The following AHNAK variants were observed in gnomAD, a reference collection of about 807,000 sequenced individuals.
The protein encoded by AHNAK is AHNAK nucleoprotein.
AHNAK carries 23 observed loss-of-function variants against 37.8 expected under a neutral mutation model. The observed-to-expected ratio is 0.61, with a 90% CI of 0.44 to 0.86. AHNAK has a LOEUF of 0.86. Among genes scored for constraint, AHNAK ranks in the 40% least tolerant of loss-of-function variants. The pLI is 0.00. For synonymous variants in AHNAK, 2,481 were observed against 2,636.3 expected (o/e 0.94, Z 1.80); for missense variants, 7,411 against 7,319.4 (o/e 1.01, Z -0.46).
Position 62,528,661 on chromosome 11 carries a change from G to A in AHNAK, c.5756C>T (p.Ala1919Val), listed in dbSNP as rs1462738666. ...KFKMPDMHFK[A>V]PKISMPDVDL... ...CACATCAGGCATGGAGATCTTGGGG[G>A]CCTTGAAGTGCATGTCTGGCATCTT... The change falls in exon 5 of 5, where the codon GCC becomes GTC. Residue 1919 changes from alanine (A) to valine (V), a missense_variant. Coordinates refer to ENST00000378024, the MANE Select transcript of AHNAK (RefSeq NM_001620.3). 25 of 1,609,598 alleles carry A rather than the reference G, an allele frequency of 1.6e-5. No individual in the cohort carries two copies. Among genetic ancestry groups the A allele is most frequent in the Non-Finnish European group, 2.0e-5 (24 of 1,179,184 alleles).
chr11:62,477,429 G>A (rs192801275), intron 5 of AHNAK, among the ~76,000 whole-genome samples: 21 of 152,250 alleles, frequency 1.4e-4, no homozygotes, highest in Non-Finnish European at 2.6e-4. Flanking sequence ...TAATTCCTGG[G>A]TGATGAAATA....
intron 5 of AHNAK, among the ~76,000 whole-genome samples, chr11:62,469,970 G>A (rs1479918619): frequency 6.6e-6 from 1 of 152,178 alleles, no homozygotes; most frequent in Non-Finnish European, 1.5e-5. Context: ...AGGGTTTAGA[G>A]AATAACTCTC....
chr11:62,485,701 C>CAAAAAAA (rs1286819688), intron 5 of AHNAK, among the ~76,000 whole-genome samples: 3 of 51,940 alleles, frequency 5.8e-5, no homozygotes, highest in Non-Finnish European at 8.5e-5. Flanking sequence ...GACTCCATCT[C>CAAAAAAA]AAAAAAAAAA....
chr11:62,496,693 GC>G (rs1436554125), intron 4 of AHNAK, among the ~76,000 whole-genome samples: 13 of 152,236 alleles, frequency 8.5e-5, no homozygotes, highest in African/African-American at 3.1e-4. Context: ...TACTCGGTAG[GC>G]TGAGGCAGGA....
In AHNAK at chr11:62,516,491, T is replaced by C. The variant is rs1940022041; in HGVS notation, c.*253A>G. 3 of 1,355,244 alleles carry C rather than the reference T, an allele frequency of 2.2e-6. No individual in the cohort carries two copies. The highest frequency in any genetic ancestry group is 1.9e-6 in the Non-Finnish European group (2 of 1,054,432). 84.0% of individuals were successfully genotyped at this position (1,355,244 alleles called of 1,614,324 possible). The stretch of plus-strand genomic sequence containing the variant: ...AGCAGTCAATGCAAAAAAATATATA[T>C]ATATGAAATCTTAAGGCAAATACTG... On this transcript the variant is annotated 3_prime_UTR_variant, in exon 5 of 5. Coordinates refer to ENST00000378024, the MANE Select transcript of AHNAK (RefSeq NM_001620.3).
intron 5 of AHNAK, among the ~76,000 whole-genome samples, chr11:62,435,693 T>A (rs1428236650): frequency 6.6e-6 from 1 of 152,070 alleles, no homozygotes; most frequent in Non-Finnish European, 1.5e-5. Flanking sequence ...GATTACAGGC[T>A]TGAGCCACCG....
At position 62,527,349 on chromosome 11, in the gene AHNAK, G is replaced by A. The variant is rs1940534577; in HGVS notation, c.7068C>T (p.Asp2356=). Residue 2356 remains aspartate (D), a synonymous_variant, in exon 5 of 5, where the codon GAC becomes GAT. Transcript: ENST00000378024. ...GGCCTTCCACAGCTACTTCTGGCAT[G>A]TCAGCATCTAATTTGGGACCTTTGA... ...LDVKGPKLDA[D]MPEVAVEGPN... is the part of the protein sequence containing the mutation. 1 of 1,614,010 alleles carries A rather than the reference G, an allele frequency of 6.2e-7. No homozygotes were observed. Among genetic ancestry groups the A allele is most frequent in the Non-Finnish European group, 8.5e-7 (1 of 1,179,936 alleles).
Position 62,527,601 on chromosome 11 carries a change from A to T in AHNAK, c.6816T>A (p.Val2272=). Residue 2272 remains valine (V), a synonymous_variant, in exon 5 of 5, where the codon GTT becomes GTA. Coordinates refer to ENST00000378024, the MANE Select transcript of AHNAK (RefSeq NM_001620.3). ...EVDVNLPKAD[V]DVSGPKVDVE... The stretch of plus-strand genomic sequence containing the variant: ...CATCCACCTTGGGTCCTGAGACATC[A>T]ACGTCAGCCTTGGGCAAGTTCACAT... 6.2e-7 allele frequency: 1 copy of T among 1,613,598 alleles called. No homozygotes were observed. The highest frequency in any genetic ancestry group is 1.7e-4 in the Middle Eastern group (1 of 6,060).
chr11:62,458,308 G>A (rs1487608432), intron 5 of AHNAK, among the ~76,000 whole-genome samples: 2 of 152,020 alleles, frequency 1.3e-5, no homozygotes, highest in Admixed American at 6.6e-5. Flanking sequence ...AATAAGAACA[G>A]GACCACTTCT....
At chr11:62,535,891 C>A in intron 3 of AHNAK, 54 bp downstream of exon 3, 2 of 1,560,470 alleles carry the variant, frequency 1.3e-6, no homozygotes, top group Non-Finnish European at 1.7e-6. Context: ...CCCTCCAACA[C>A]CCCCACCGAC....
Position 62,532,593 on chromosome 11 carries a change from G to C in AHNAK, c.1824C>G (p.Pro608=). ...CATCTGGGGCACTGACATCCACTTT[G>C]GGGCCTCTGACATCAACTTCAGGGA... ...VKVPEVDVRG[P]KVDVSAPDVE... The change falls in exon 5 of 5, where the codon CCC becomes CCG. Residue 608 remains proline, a synonymous_variant. Transcript: ENST00000378024. 1 of 1,614,112 alleles carries C rather than the reference G, an allele frequency of 6.2e-7. No homozygotes were observed. Among genetic ancestry groups the C allele is most frequent in the African/African-American group, 1.3e-5 (1 of 75,008 alleles).
rs761635981 is a variant in AHNAK at position 62,523,332 on chromosome 11, T to G, written c.11085A>C (p.Lys3695Asn). 8.7e-6 allele frequency: 14 copies of G among 1,613,156 alleles called. No homozygotes were observed. In the South Asian group the frequency reaches 1.4e-4, roughly 16 times the overall value. The change falls in exon 5 of 5, where the codon AAA (lysine) becomes AAC (asparagine). Residue 3695 changes from lysine to asparagine, a missense_variant. By Grantham distance (94) the Lys-to-Asn change is moderately conservative. Coordinates refer to ENST00000378024, the MANE Select transcript of AHNAK (RefSeq NM_001620.3). The part of the protein sequence containing the change: ...MKGDVVVSLP[K>N]VEGDLKGPEV... ...CAGGGCCTTTTAGATCACCTTCCACTTTGGGCAAAGACACAACCACATCAC... is the reference window on the plus strand; with the variant it reads ...CAGGGCCTTTTAGATCACCTTCCACGTTGGGCAAAGACACAACCACATCAC...
At position 62,529,223 on chromosome 11, in the gene AHNAK, C is replaced by T. The variant is rs760678889; in HGVS notation, c.5194G>A (p.Val1732Met). ...TCAGCCTTTGGCAGATTCACATCCA[C>T]TTCAGGGCCCTCTGCTTTGAAGCCA... ...MPGFKAEGPE[V>M]DVNLPKADID... Residue 1732 changes from valine to methionine, a missense_variant, in exon 5 of 5, where the codon GTG becomes ATG. By Grantham distance (21) the Val-to-Met change is conservative. Transcript: ENST00000378024. 5 of 1,614,226 alleles carry T rather than the reference C, an allele frequency of 3.1e-6. No homozygotes were observed. Among genetic ancestry groups the T allele is most frequent in the Non-Finnish European group, 4.2e-6 (5 of 1,180,054 alleles).
intron 5 of AHNAK, among the ~76,000 whole-genome samples, chr11:62,481,664 G>GCTTGGCTCACTGCAAGCTCCA (rs1232903771): frequency 3.7e-5 from 5 of 135,504 alleles, no homozygotes; most frequent in Admixed American, 2.0e-4. Context: ...TGCAAGCTCC[G>GCTTGGCTCACTGCAAGCTCCA]CCTCCCGGGT....
Position 62,529,879 on chromosome 11 carries a change from A to G in AHNAK, c.4538T>C (p.Val1513Ala). ...GPDWHLKMPKVKMPKFSMPGF... is the reference protein window; with the variant it reads ...GPDWHLKMPKAKMPKFSMPGF... ...AGGCATGCTGAACTTGGGCATTTTT[A>G]CCTTGGGCATCTTCAGGTGCCAGTC... is the stretch of plus-strand genomic sequence containing the variant. Residue 1513 changes from valine to alanine, a missense_variant, in exon 5 of 5, where the codon GTA becomes GCA. By Grantham distance (64) the Val-to-Ala change is moderately conservative (BLOSUM62 0). Transcript: ENST00000378024. 1 of 1,613,394 alleles carries G rather than the reference A, an allele frequency of 6.2e-7. No homozygotes were observed. Among genetic ancestry groups the G allele is most frequent in the Admixed American group, 1.7e-5 (1 of 59,942 alleles).
At chr11:62,433,658 TA>T in exon 6 of AHNAK, 1 of 605,220 alleles carries the variant, frequency 1.7e-6, no homozygotes, top group Non-Finnish European at 2.9e-6. Flanking sequence ...CCCTTGCAAG[TA>T]AAGAAATGCA....
intron 5 of AHNAK, among the ~76,000 whole-genome samples, chr11:62,467,374 T>C (rs1938933850): frequency 6.6e-6 from 1 of 152,176 alleles, no homozygotes; most frequent in Admixed American, 6.6e-5. Context: ...AGTCTCTACC[T>C]CGCCTAGCAT....
intron 5 of AHNAK, among the ~76,000 whole-genome samples, chr11:62,439,187 C>T (rs1262633219): frequency 1.3e-5 from 2 of 150,990 alleles, no homozygotes; most frequent in African/African-American, 2.4e-5. Flanking sequence ...TCTGACCACC[C>T]GGGTTCATGC....
intron 5 of AHNAK, among the ~76,000 whole-genome samples, chr11:62,454,032 G>A (rs1353704897): frequency 6.6e-6 from 1 of 152,022 alleles, no homozygotes; most frequent in East Asian, 1.9e-4. Flanking sequence ...TGTTGAACCC[G>A]GGAGGCGGAG....
Sources: allele counts gnomAD v4.1 joint callset (sites outside exome capture counted in the v4.1 genomes callset), GRCh38; gene constraint gnomAD v4.1.1; transcripts MANE v1.5; gene names NCBI Gene and HGNC (gene_info 2026-07-23, HGNC 2026-07-21).